The following CCDC3 variants were observed in gnomAD, a reference collection of about 807,000 sequenced individuals.
CCDC3 encodes coiled-coil domain-containing protein 3.
In CCDC3, 24 loss-of-function variants were observed where a neutral mutation model predicts 21.4. That is an observed-to-expected ratio of 1.12 (90% CI 0.81 to 1.58). CCDC3 has a LOEUF of 1.58. Ranked by LOEUF, CCDC3 falls within the 40% of genes most tolerant of loss-of-function variation. The probability of loss-of-function intolerance (pLI) is 0.00; values close to 1 mark genes in which losing one functional copy is unlikely to be tolerated. For missense variants in CCDC3, 425 were observed against 360.9 expected (o/e 1.18, Z -1.44); for synonymous variants, 186 against 166.0 (o/e 1.12, Z -0.93).
At chr10:12,927,838 G>C (rs1411698540) in intron 2 of CCDC3, among the ~76,000 whole-genome samples, 1 of 152,190 alleles carries the variant, frequency 6.6e-6, no homozygotes, top group African/African-American at 2.4e-5. Flanking sequence ...TCAATTGCAA[G>C]TGAAATTCAG....
At chr10:13,030,461 A>T (rs1392611359) in intron 5 of CCDC3, among the ~76,000 whole-genome samples, 1 of 152,222 alleles carries the variant, frequency 6.6e-6, no homozygotes, top group East Asian at 1.9e-4. Context: ...AGCTAACATC[A>T]TAACGACAGG....
At chr10:13,003,610 T>C (rs1835891761), upstream of CCDC3, among the ~76,000 whole-genome samples, 1 of 152,120 alleles carries the variant, frequency 6.6e-6, no homozygotes, top group East Asian at 1.9e-4. Context: ...TGACCCAGAA[T>C]CCCTGCTCTA....
At chr10:13,050,963 A>AT (rs922308605) in intron 4 of CCDC3, among the ~76,000 whole-genome samples, 1 of 151,360 alleles carries the variant, frequency 6.6e-6, no homozygotes, top group African/African-American at 2.4e-5. Context: ...ATTTAAAAAA[A>AT]TTTTTTTTGT....
Position 12,901,057 on chromosome 10 carries a change from C to T in CCDC3, c.550-2378G>A, listed in dbSNP as rs1834084667. 1.3e-5 allele frequency among the ~76,000 whole-genome samples: 2 copies of T among 152,128 alleles called. 1 individual carries two copies. Among genetic ancestry groups the T allele is most frequent in the South Asian group, 4.1e-4 (2 of 4,824 alleles). ...ACCTGTATCCAAGGACTGGCTGACA[C>T]CAGGGTATGAAGACCAAGGCCCCTC... is the stretch of plus-strand genomic sequence containing the variant. On this transcript the variant is annotated intron_variant, in intron 2 of 2. Coordinates refer to ENST00000378825, the MANE Select transcript of CCDC3 (RefSeq NM_031455.4).
intron 4 of CCDC3, among the ~76,000 whole-genome samples, chr10:13,066,058 C>A (rs1347050479): frequency 6.6e-6 from 1 of 152,146 alleles, no homozygotes; most frequent in African/African-American, 2.4e-5. Context: ...TCAGAATCAT[C>A]TGAAATGATT....
intron 4 of CCDC3, chr10:13,058,154 C>T (rs891041700): frequency 2.6e-5 from 25 of 943,552 alleles, no homozygotes; most frequent in Middle Eastern, 2.5e-4. Context: ...TTTGGTATTG[C>T]GAGGGATAGA....
At chr10:12,965,008 G>C (rs948119145) in intron 2 of CCDC3, among the ~76,000 whole-genome samples, 1 of 152,118 alleles carries the variant, frequency 6.6e-6, no homozygotes, top group Non-Finnish European at 1.5e-5. Flanking sequence ...CTCAGTTGTC[G>C]TCAGTACCCC....
chr10:13,053,013 T>C (rs1588407481), intron 4 of CCDC3, among the ~76,000 whole-genome samples: 1 of 151,102 alleles, frequency 6.6e-6, no homozygotes, highest in South Asian at 2.1e-4. Context: ...GAAGTTCCAA[T>C]GTTTTTTTTC....
intron 5 of CCDC3, among the ~76,000 whole-genome samples, chr10:13,034,725 AC>A (rs1836355023): frequency 6.6e-6 from 1 of 151,994 alleles, no homozygotes; most frequent in South Asian, 2.1e-4. Context: ...AAACAAACAA[AC>A]AAAAAACCAG....
rs559805395 is a variant in CCDC3, at chr10:13,049,749, C to T, written c.-77G>A. On this transcript the variant is annotated 5_prime_UTR_variant, in exon 5 of 7. Coordinates refer to the CCDC3 transcript ENST00000378839. ...TCTCCAGGTCACAGAGAAGGCTGCC[C>T]AGAAGAGCCCTGGGAGAGACAACAC... The T allele has an allele frequency of 5.9e-5, 9 of 152,224 alleles. No individual in the cohort carries two copies. In the South Asian group the frequency reaches 1.9e-3, roughly 32 times the overall value. The allele number at this position is 152,224 out of a possible 1,614,324, so 9.4% of individuals were successfully genotyped here.
At chr10:12,910,953 T>C (rs572426698) in intron 2 of CCDC3, among the ~76,000 whole-genome samples, 5 of 152,358 alleles carry the variant, frequency 3.3e-5, no homozygotes, top group African/African-American at 1.2e-4. Context: ...CAGTGCATAG[T>C]TGCGGCCAGC....
chr10:12,984,590 G>A (rs979696723), intron 2 of CCDC3, among the ~76,000 whole-genome samples: 11 of 151,978 alleles, frequency 7.2e-5, no homozygotes, highest in Non-Finnish European at 1.0e-4. Flanking sequence ...GCTTATATCC[G>A]TACAAAAACC....
chr10:13,083,900 C>A (rs919910643), intron 3 of CCDC3, among the ~76,000 whole-genome samples: 1 of 152,130 alleles, frequency 6.6e-6, no homozygotes, highest in African/African-American at 2.4e-5. Context: ...CGAGGAGCAC[C>A]CTTTCTGCAG....
intron 5 of CCDC3, among the ~76,000 whole-genome samples, chr10:13,044,273 T>C (rs1836496971): frequency 6.6e-6 from 1 of 152,202 alleles, no homozygotes; most frequent in African/African-American, 2.4e-5. Context: ...GTCAGATGCA[T>C]AGTTTGTGAA....
chr10:13,066,129 C>A (rs1473000814), intron 4 of CCDC3, among the ~76,000 whole-genome samples: 1 of 151,956 alleles, frequency 6.6e-6, no homozygotes, highest in Non-Finnish European at 1.5e-5. Flanking sequence ...GGAGTTGAGC[C>A]TAGGAATTTG....
Position 12,972,822 on chromosome 10 carries a change from TAAATA to T in CCDC3, c.549+25511_549+25515del, listed in dbSNP as rs3028902. Among the ~76,000 whole-genome samples the T allele has an allele frequency of 4.2e-4, 63 of 150,518 alleles. No individual in the cohort carries two copies. The East Asian group carries it at 5.7e-3, about 14-fold the overall frequency. ...AAAGAATGAGACTCTGTCTCAAAAA[TAAATA>T]AAATAAAATAAAATAAGGAATGGCA... On this transcript the variant is annotated intron_variant, in intron 2 of 2. Coordinates refer to ENST00000378825, the MANE Select transcript of CCDC3 (RefSeq NM_031455.4).
chr10:12,958,692 T>TG (rs1318606225), intron 2 of CCDC3, among the ~76,000 whole-genome samples: 1 of 152,142 alleles, frequency 6.6e-6, no homozygotes, highest in Non-Finnish European at 1.5e-5. Flanking sequence ...CTGCCAGAGC[T>TG]GGGGGGCAGG....
At chr10:13,052,925 G>A (rs561028958) in intron 4 of CCDC3, among the ~76,000 whole-genome samples, 1 of 148,094 alleles carries the variant, frequency 6.8e-6, no homozygotes, top group East Asian at 2.0e-4. Context: ...CTGGGCAGTA[G>A]ATTGAGACTC....
chr10:13,075,860 C>T (rs940503246), intron 3 of CCDC3, among the ~76,000 whole-genome samples: 3 of 151,960 alleles, frequency 2.0e-5, no homozygotes, highest in South Asian at 2.1e-4. Context: ...ACCAGCCTGG[C>T]CAACATGGCT....
Sources: gnomAD v4.1 joint callset for allele counts (sites outside exome capture counted in the v4.1 genomes callset) on GRCh38, gnomAD v4.1.1 for gene constraint, MANE v1.5 for transcripts, NCBI Gene and HGNC (gene_info 2026-07-23, HGNC 2026-07-21) for gene names.